The following SNTG1 variants were observed in gnomAD, a reference collection of about 807,000 sequenced individuals.
SNTG1 encodes the protein syntrophin gamma 1.
In SNTG1, 39 loss-of-function variants were observed where a neutral mutation model predicts 74.7. The observed-to-expected ratio is 0.52, with a 90% CI of 0.40 to 0.68. SNTG1 has a LOEUF of 0.68. Ranked by LOEUF, SNTG1 falls within the 30% of genes least tolerant of loss-of-function variation. The pLI is 0.00. For synonymous variants in SNTG1, 254 were observed against 217.1 expected (o/e 1.17, Z -1.49); for missense variants, 685 against 609.5 (o/e 1.12, Z -1.30).
At chr8:50,131,685 T>C (rs754157147) in intron 1 of SNTG1, among the ~76,000 whole-genome samples, 47 of 152,126 alleles carry the variant, frequency 3.1e-4, no homozygotes, top group Non-Finnish European at 6.0e-4. Flanking sequence ...TTTCATTTTA[T>C]TTTGTGGATA....
intron 2 of SNTG1, among the ~76,000 whole-genome samples, chr8:50,242,582 T>C (rs1211287010): frequency 6.6e-6 from 1 of 151,646 alleles, no homozygotes; most frequent in East Asian, 1.9e-4. Context: ...TCTGTAGGTT[T>C]TTATGGAAGC....
chr8:50,167,632 A>G (rs571280306), intron 1 of SNTG1, among the ~76,000 whole-genome samples: 37 of 149,772 alleles, frequency 2.5e-4, no homozygotes, highest in African/African-American at 8.4e-4. Flanking sequence ...CCTCATCGCT[A>G]CGAAAAAAAA....
At chr8:50,156,958 A>G (rs546338146) in intron 1 of SNTG1, among the ~76,000 whole-genome samples, 40 of 152,160 alleles carry the variant, frequency 2.6e-4, no homozygotes, top group Non-Finnish European at 3.7e-4. Flanking sequence ...TCCAAGAGGA[A>G]TAAAATCAAG....
At chr8:50,435,535 A>G (rs763471231) in intron 4 of SNTG1, among the ~76,000 whole-genome samples, 17 of 152,324 alleles carry the variant, frequency 1.1e-4, no homozygotes, top group Non-Finnish European at 2.1e-4. Flanking sequence ...TGGCAGAGCT[A>G]CCGCAAACAC....
At chr8:50,451,848 A>G (rs149440452) in intron 8 of SNTG1, among the ~76,000 whole-genome samples, 1 of 152,206 alleles carries the variant, frequency 6.6e-6, no homozygotes, top group South Asian at 2.1e-4. Context: ...TTGAATAAAT[A>G]TCATTCAAAA....
chr8:50,142,352 G>A (rs2081691863), intron 1 of SNTG1, among the ~76,000 whole-genome samples: 2 of 151,908 alleles, frequency 1.3e-5, no homozygotes, highest in African/African-American at 4.8e-5. Context: ...TATAACAGAG[G>A]AGCTATAAAC....
rs549411371 is a variant in SNTG1 at position 50,527,536 on chromosome 8, A to G, written c.467-2641A>G. Among the ~76,000 whole-genome samples the G allele has an allele frequency of 2.6e-5, 4 of 152,106 alleles. No homozygotes were observed. In the East Asian group the frequency reaches 7.7e-4, roughly 29 times the overall value. On this transcript the variant is annotated intron_variant, in intron 9 of 18. Coordinates refer to ENST00000642720, the MANE Select transcript of SNTG1 (RefSeq NM_018967.5). ...ATTTGATATATGTATATATATGATT[A>G]TTATTTGATCATACATGTTTGGATT...
At chr8:50,178,022 A>T (rs1010263661) in intron 2 of SNTG1, among the ~76,000 whole-genome samples, 8 of 152,120 alleles carry the variant, frequency 5.3e-5, no homozygotes, top group Non-Finnish European at 1.2e-4. Context: ...TTTTAGATTC[A>T]TCTATGTCTC....
At chr8:50,632,623 C>A (rs1231544354) in intron 13 of SNTG1, among the ~76,000 whole-genome samples, 1 of 152,114 alleles carries the variant, frequency 6.6e-6, no homozygotes, top group Non-Finnish European at 1.5e-5. Flanking sequence ...TTTTTATAAT[C>A]TCTTATTAGG....
intron 18 of SNTG1, among the ~76,000 whole-genome samples, chr8:50,772,651 G>T (rs946254621): frequency 6.6e-6 from 1 of 152,060 alleles, no homozygotes; most frequent in Non-Finnish European, 1.5e-5. Context: ...GGGGGCAGAG[G>T]TGAAATGCTT....
chr8:50,419,263 A>C (rs1287061870), intron 4 of SNTG1, among the ~76,000 whole-genome samples: 1 of 152,188 alleles, frequency 6.6e-6, no homozygotes, highest in African/African-American at 2.4e-5. Flanking sequence ...CTACTCTACC[A>C]AAATACCACA....
chr8:50,358,447 G>T (rs2091876585), intron 2 of SNTG1, among the ~76,000 whole-genome samples: 2 of 152,170 alleles, frequency 1.3e-5, no homozygotes, highest in Admixed American at 1.3e-4. Flanking sequence ...ATTTGGCCTT[G>T]ACACACTAAA....
intron 15 of SNTG1, among the ~76,000 whole-genome samples, chr8:50,678,160 G>T (rs1249256538): frequency 6.6e-6 from 1 of 151,224 alleles, no homozygotes; most frequent in Non-Finnish European, 1.5e-5. Context: ...CTTGCTATTT[G>T]TGCTATTTTT....
intron 1 of SNTG1, among the ~76,000 whole-genome samples, chr8:50,111,829 T>C (rs1317120987): frequency 1.3e-5 from 2 of 151,494 alleles, no homozygotes; most frequent in African/African-American, 4.9e-5. Flanking sequence ...AAATGGAAAG[T>C]AAGGAAAAGA....
Position 50,438,602 on chromosome 8 carries a change from A to G in SNTG1, c.219+3A>G. 6.2e-7 allele frequency: 1 copy of G among 1,612,352 alleles called. No homozygotes were observed. The highest frequency in any genetic ancestry group is 1.1e-5 in the South Asian group (1 of 91,028). ...GAGGATTTGGATTAAGCATAAAGGTAGCCTGCCTTTCTAGTCTATCCTTAC... is the reference window on the plus strand; with the variant it reads ...GAGGATTTGGATTAAGCATAAAGGTGGCCTGCCTTTCTAGTCTATCCTTAC... On this transcript the variant is annotated splice_donor_region_variant and intron_variant, in intron 5 of 18. Transcript: ENST00000642720.
At chr8:50,547,441 A>G (rs139037440) in intron 11 of SNTG1, among the ~76,000 whole-genome samples, 1 of 152,188 alleles carries the variant, frequency 6.6e-6, no homozygotes, top group Non-Finnish European at 1.5e-5. Context: ...AAATATATGA[A>G]TCTCTTTGGA....
intron 1 of SNTG1, among the ~76,000 whole-genome samples, chr8:49,943,286 C>A (rs888021492): frequency 1.9e-5 from 2 of 106,044 alleles, no homozygotes; most frequent in African/African-American, 5.1e-5. Context: ...AGGGATCCTT[C>A]GATCTAGTGG....
chr8:50,086,537 G>A (rs771480788), intron 1 of SNTG1, among the ~76,000 whole-genome samples: 9 of 152,128 alleles, frequency 5.9e-5, no homozygotes, highest in African/African-American at 2.2e-4. Flanking sequence ...TGCTTGAAAG[G>A]TCAGATGAAT....
chr8:50,178,635 C>T (rs1483056301), intron 2 of SNTG1, among the ~76,000 whole-genome samples: 1 of 152,182 alleles, frequency 6.6e-6, no homozygotes, highest in African/African-American at 2.4e-5. Flanking sequence ...CCATTTCTTT[C>T]TTCTTGAACT....
Sources: gnomAD v4.1 joint callset for allele counts (sites outside exome capture counted in the v4.1 genomes callset) on GRCh38, gnomAD v4.1.1 for gene constraint, MANE v1.5 for transcripts, NCBI Gene and HGNC (gene_info 2026-07-23, HGNC 2026-07-21) for gene names.